PIP5K1B: variants seen among roughly 807,000 people sequenced by gnomAD.
PIP5K1B encodes the protein phosphatidylinositol-4-phosphate 5-kinase type 1 beta.
In PIP5K1B, 42 loss-of-function variants were observed where a neutral mutation model predicts 67.0. The ratio of observed to expected loss-of-function variants is 0.63; its 90% CI spans 0.49 to 0.81. The LOEUF is 0.81. Ranked by LOEUF, PIP5K1B falls within the 30% of genes least tolerant of loss-of-function variation. The probability of loss-of-function intolerance (pLI) is 0.00; values close to 1 mark genes in which losing one functional copy is unlikely to be tolerated. For synonymous variants in PIP5K1B, 214 were observed against 231.4 expected (o/e 0.92, Z 0.68); for missense variants, 459 against 646.3 (o/e 0.71, Z 3.14).
intron 7 of PIP5K1B, 132 bp from the exon 8 acceptor site, chr9:68,894,207 G>A: frequency 1.5e-6 from 1 of 655,918 alleles, no homozygotes. Context: ...CAAAATTTTA[G>A]TAATGAACAT....
At chr9:68,758,780 C>T (rs1830056974) in intron 2 of PIP5K1B, among the ~76,000 whole-genome samples, 1 of 152,064 alleles carries the variant, frequency 6.6e-6, no homozygotes, top group South Asian at 2.1e-4. Flanking sequence ...AAACCCCAGA[C>T]ATGAACCCAA....
chr9:68,718,373 A>G (rs1291737109), intron 1 of PIP5K1B, among the ~76,000 whole-genome samples: 2 of 152,242 alleles, frequency 1.3e-5, no homozygotes, highest in Non-Finnish European at 2.9e-5. Context: ...TTATTTTAGT[A>G]AGAACCTAAA....
rs1311795403 is a variant in PIP5K1B at position 68,790,406 on chromosome 9, A to G, written c.-85-28055A>G. On this transcript the variant is annotated intron_variant, in intron 2 of 15. Coordinates refer to ENST00000265382, the MANE Select transcript of PIP5K1B (RefSeq NM_003558.4). ...AGACATTTTGGAACAAACCATCAAA[A>G]ACCACAGTTGGTTCCAAAGGGTTAG... Among the ~76,000 whole-genome samples the G allele has an allele frequency of 2.6e-5, 4 of 152,374 alleles. No homozygotes were observed. In the East Asian group the frequency reaches 7.7e-4, roughly 29 times the overall value.
chr9:68,927,259 G>A (rs969830511), intron 12 of PIP5K1B, among the ~76,000 whole-genome samples: 1 of 152,152 alleles, frequency 6.6e-6, no homozygotes, highest in African/African-American at 2.4e-5. Flanking sequence ...GTATGGGCAT[G>A]TATTTTCATT....
At chr9:68,877,196 T>A (rs1283405583) in intron 6 of PIP5K1B, among the ~76,000 whole-genome samples, 2 of 152,248 alleles carry the variant, frequency 1.3e-5, no homozygotes, top group East Asian at 3.8e-4. Context: ...CACCTTGACC[T>A]ACAAATTTGA....
At chr9:68,832,708 A>T (rs1457404500) in intron 4 of PIP5K1B, among the ~76,000 whole-genome samples, 3 of 152,174 alleles carry the variant, frequency 2.0e-5, no homozygotes, top group African/African-American at 7.2e-5. Context: ...CAGAGACAGA[A>T]ATTGGGTTCA....
chr9:68,817,712 C>CTTT lies in PIP5K1B; in HGVS notation c.-85-726_-85-724dup, dbSNP rs1156788129. On this transcript the variant is annotated intron_variant, in intron 2 of 15. Coordinates refer to ENST00000265382, the MANE Select transcript of PIP5K1B (RefSeq NM_003558.4). ...ACGGTGGGGGAGATAAGACCTCATT[C>CTTT]TTTTTTTTTTTTTTTTTTTTTTTTT... Among the ~76,000 whole-genome samples, 47 of 93,622 alleles carry CTTT rather than the reference C, an allele frequency of 5.0e-4. 2 individuals carry two copies. The highest frequency in any genetic ancestry group is 6.4e-4 in the Non-Finnish European group (30 of 47,132). 61.4% of individuals were successfully genotyped at this position (93,622 alleles called of 152,430 possible).
intron 8 of PIP5K1B, among the ~76,000 whole-genome samples, chr9:68,907,759 G>A (rs1272791475): frequency 1.3e-5 from 2 of 152,132 alleles, no homozygotes; most frequent in African/African-American, 2.4e-5. Flanking sequence ...AAACAGTTCC[G>A]AATTTTCTCT....
At chr9:68,820,125 A>G (rs956229654) in intron 3 of PIP5K1B, among the ~76,000 whole-genome samples, 2 of 152,116 alleles carry the variant, frequency 1.3e-5, no homozygotes, top group African/African-American at 4.8e-5. Flanking sequence ...AAAAGCTGCA[A>G]AGTCTTAAAA....
chr9:69,004,307 G>A (rs1564311633), intron 15 of PIP5K1B, among the ~76,000 whole-genome samples: 1 of 150,184 alleles, frequency 6.7e-6, no homozygotes, highest in Non-Finnish European at 1.5e-5. Flanking sequence ...CAAAAATGCT[G>A]CACCTTTGTG....
rs1262601657 is a variant in PIP5K1B, at chr9:68,731,325, AC to A, written c.-242-11175del. Among the ~76,000 whole-genome samples the A allele has an allele frequency of 2.0e-5, 3 of 152,320 alleles. No homozygotes were observed. The East Asian group carries it at 5.8e-4, about 29-fold the overall frequency. On this transcript the variant is annotated intron_variant, in intron 1 of 15. Coordinates refer to ENST00000265382, the MANE Select transcript of PIP5K1B (RefSeq NM_003558.4). The stretch of plus-strand genomic sequence containing the variant: ...GTGAAGCTAACACTGCATTGTGTAC[AC>A]TGGACAGGATCAGTGATGATCCAGT...
intron 2 of PIP5K1B, among the ~76,000 whole-genome samples, chr9:68,785,023 C>G (rs1831532258): frequency 6.6e-6 from 1 of 152,006 alleles, no homozygotes; most frequent in Non-Finnish European, 1.5e-5. Flanking sequence ...TTAATGTTGC[C>G]TCTGAGAATC....
At chr9:68,769,665 A>C (rs531712268) in intron 2 of PIP5K1B, among the ~76,000 whole-genome samples, 1 of 152,120 alleles carries the variant, frequency 6.6e-6, no homozygotes, top group East Asian at 1.9e-4. Flanking sequence ...CCCTCAATAC[A>C]CTCTAGGCTT....
At chr9:68,823,015 C>G (rs1833806477) in intron 4 of PIP5K1B, among the ~76,000 whole-genome samples, 1 of 152,194 alleles carries the variant, frequency 6.6e-6, no homozygotes, top group African/African-American at 2.4e-5. Flanking sequence ...TCATGGCTCC[C>G]TGCCATCTTC....
chr9:68,790,054 C>A (rs1009284586), intron 2 of PIP5K1B, among the ~76,000 whole-genome samples: 1 of 151,970 alleles, frequency 6.6e-6, no homozygotes, highest in Non-Finnish European at 1.5e-5. Flanking sequence ...CAAAGACAAC[C>A]AGTTTGACCC....
chr9:68,751,059 G>A (rs1055083388), intron 2 of PIP5K1B, among the ~76,000 whole-genome samples: 1 of 152,150 alleles, frequency 6.6e-6, no homozygotes, highest in Non-Finnish European at 1.5e-5. Context: ...TATAGAAACG[G>A]TTCAGGGATC....
chr9:68,869,481 C>A (rs1183216813), intron 5 of PIP5K1B, among the ~76,000 whole-genome samples: 1 of 152,214 alleles, frequency 6.6e-6, no homozygotes, highest in Admixed American at 6.5e-5. Context: ...TGTCTTATAT[C>A]ATGTGGGTCA....
chr9:68,812,566 T>A (rs1057492198), intron 2 of PIP5K1B, among the ~76,000 whole-genome samples: 2 of 152,250 alleles, frequency 1.3e-5, no homozygotes, highest in African/African-American at 4.8e-5. Flanking sequence ...CTAGGACTCT[T>A]GTGTCAGATT....
intron 14 of PIP5K1B, among the ~76,000 whole-genome samples, chr9:68,974,401 G>A (rs753079615): frequency 5.9e-5 from 9 of 152,172 alleles, no homozygotes; most frequent in Non-Finnish European, 8.8e-5. Flanking sequence ...TAAGCAATTG[G>A]AGTGTTACTA....
Sources: allele counts gnomAD v4.1 joint callset (sites outside exome capture counted in the v4.1 genomes callset), GRCh38; gene constraint gnomAD v4.1.1; transcripts MANE v1.5; gene names NCBI Gene and HGNC (gene_info 2026-07-23, HGNC 2026-07-21).